Variants in HUWE1 observed in about 807,000 individuals in gnomAD.
HUWE1 encodes the protein E3 ubiquitin-protein ligase HUWE1.
Under a neutral mutation model 299.4 loss-of-function variants are expected in HUWE1, and 18 were observed. The ratio of observed to expected loss-of-function variants is 0.06; its 90% confidence interval spans 0.04 to 0.09. The LOEUF (loss-of-function observed/expected upper bound fraction) is 0.09. Ranked by LOEUF, HUWE1 falls within the 10% of genes least tolerant of loss-of-function variation. The pLI, the probability that HUWE1 is intolerant of heterozygous loss-of-function variation, is 1.00. For synonymous variants in HUWE1, 1,317 were observed against 1,286.1 expected (o/e 1.02, Z -0.51); for missense variants, 1,832 against 3,462.3 (o/e 0.53, Z 11.82).
chrX:53,631,402 G>A lies in HUWE1; in HGVS notation c.762+12C>T, dbSNP rs1557022632. 8.5e-7 allele frequency: 1 copy of A among 1,170,270 alleles called. No homozygotes were observed. Among genetic ancestry groups the A allele is most frequent in the East Asian group, 3.0e-5 (1 of 33,695 alleles). Reference sequence around the variant, plus strand: ...AACCACATCCTGTGGATGTTTTAAAGCCACATCATACCTGCTTATCCTTAG... The same window carrying A: ...AACCACATCCTGTGGATGTTTTAAAACCACATCATACCTGCTTATCCTTAG... On this transcript the variant is annotated intron_variant, in intron 11 of 83. Transcript: ENST00000262854.
chrX:53,625,859 G>GGGGCCGGGGCCGGGGCCGGGGCCA (rs781952031), intron 17 of HUWE1: 1 of 192,359 alleles, frequency 5.2e-6, no homozygotes, highest in African/African-American at 3.1e-5. Context: ...GGCCAGGGCC[G>GGGGCCGGGGCCGGGGCCGGGGCCA]GGGCCGGGGC....
intron 7 of HUWE1, among the ~76,000 whole-genome samples, chrX:53,643,828 CTT>C (rs1365212951): frequency 8.9e-6 from 1 of 111,763 alleles, no homozygotes; most frequent in Non-Finnish European, 1.9e-5. Flanking sequence ...ATTCTCTTTT[CTT>C]TTTTAGAGAC....
chrX:53,641,462 A>AT (rs1238790858), intron 7 of HUWE1, among the ~76,000 whole-genome samples: 1 of 111,900 alleles, frequency 8.9e-6, no homozygotes, highest in East Asian at 2.8e-4. Flanking sequence ...TAAGTCGAAT[A>AT]TTTTGCAAAA....
intron 68 of HUWE1, among the ~76,000 whole-genome samples, chrX:53,547,117 A>G (rs1435784212): frequency 2.7e-5 from 3 of 112,337 alleles, no homozygotes; most frequent in African/African-American, 9.7e-5. Context: ...AAGCTGAAAA[A>G]GAAACCCCAG....
chrX:53,628,464 TAA>T lies in HUWE1; in HGVS notation c.1242+27_1242+28del, dbSNP rs781865515. On this transcript the variant is annotated intron_variant, in intron 15 of 83. Transcript: ENST00000262854. ...CCTTAGTTGATTTCCCCATGTAGTTTAAAAAAAAAAAAAAAAAAAGTACAGCA... is the reference window on the plus strand; with the variant it reads ...CCTTAGTTGATTTCCCCATGTAGTTTAAAAAAAAAAAAAAAAAGTACAGCA... 0.019 allele frequency: 17,624 copies of T among 950,398 alleles called. No individual in the cohort carries two copies. Among genetic ancestry groups the T allele is most frequent in the Admixed American group, 0.027 (722 of 26,666 alleles). 78.3% of individuals were successfully genotyped at this position (950,398 alleles called of 1,213,427 possible).
rs782704612 is a variant in HUWE1, at chrX:53,627,862, G to A, written c.1260C>T (p.Gly420=). The change falls in exon 16 of 84, where the codon GGC becomes GGT. Residue 420 remains glycine (G), a synonymous_variant. Coordinates refer to ENST00000262854, the MANE Select transcript of HUWE1 (RefSeq NM_031407.7). ...CAAATGTTATCTGGTCCTGTTCATC[G>A]CCAAGAAACTTTATGACCTATCACG... ...EALLKVIKFL[G]DEQDQITFVT... is the part of the protein sequence containing the mutation. The A allele has an allele frequency of 7.5e-6, 9 of 1,207,251 alleles. No individual in the cohort carries two copies. Among genetic ancestry groups the A allele is most frequent in the Admixed American group, 4.4e-5 (2 of 45,690 alleles).
intron 23 of HUWE1, among the ~76,000 whole-genome samples, chrX:53,611,170 T>C (rs1469449794): frequency 5.2e-5 from 4 of 76,881 alleles, no homozygotes; most frequent in Non-Finnish European, 4.9e-5. Flanking sequence ...CATTTGCAAA[T>C]ACTAGCTGCT....
Position 53,575,353 on chromosome X carries a change from A to C in HUWE1, c.6031-132T>G, listed in dbSNP as rs1054507894. The C allele has an allele frequency of 2.4e-5, 13 of 532,236 alleles. No homozygotes were observed. In the African/African-American group the frequency reaches 2.8e-4, roughly 11 times the overall value. The allele number at this position is 532,236 out of a possible 1,213,427, so 43.9% of individuals were successfully genotyped here. A position where few individuals can be genotyped will look rare whatever the true frequency, so the allele number is the denominator to read the frequency against. ...TTGGCCAACCTTTTAACCACCTTACACCTTTATACTATAATCTGTGGGAGG... is the reference window on the plus strand; with the variant it reads ...TTGGCCAACCTTTTAACCACCTTACCCCTTTATACTATAATCTGTGGGAGG... On this transcript the variant is annotated intron_variant, in intron 45 of 83. Coordinates refer to ENST00000262854, the MANE Select transcript of HUWE1 (RefSeq NM_031407.7).
At position 53,592,434 on chromosome X, in the gene HUWE1, G is replaced by A. The variant is rs782082536; in HGVS notation, c.3936C>T (p.Arg1312=). ...GTTGCTGGTTGACTTGAGGTTCCCG[G>A]CGGGAGCCACCTTCCTCTTGCCCTG... ...EDTGQEEGGS[R]REPQVNQQQL... The change falls in exon 33 of 84, where the codon CGC becomes CGT. Residue 1312 remains arginine (R), a synonymous_variant. Transcript: ENST00000262854. 8.3e-7 allele frequency: 1 copy of A among 1,210,381 alleles called. No homozygotes were observed. The highest frequency in any genetic ancestry group is 1.8e-5 in the South Asian group (1 of 56,900).
intron 23 of HUWE1, 112 bp downstream of exon 23, chrX:53,614,422 G>T: frequency 1.6e-6 from 1 of 609,256 alleles, no homozygotes; most frequent in Non-Finnish European, 2.8e-6. Context: ...ACTTTAAAAT[G>T]ATCTAATACA....
chrX:53,559,222 C>CTAAG, intron 57 of HUWE1, 132 bp downstream of exon 57: 1 of 818,281 alleles, frequency 1.2e-6, no homozygotes, highest in Non-Finnish European at 1.8e-6. Context: ...TTGCCCATGG[C>CTAAG]TAAGTCACTG....
chrX:53,551,220 T>C, intron 64 of HUWE1, 31 bp from the exon 65 acceptor site: 2 of 1,210,997 alleles, frequency 1.7e-6, no homozygotes, highest in South Asian at 1.8e-5. Flanking sequence ...ATGAGGGCAT[T>C]TCTCCTGCCA....
chrX:53,595,135 A>C, intron 30 of HUWE1, 52 bp downstream of exon 30: 1 of 1,037,161 alleles, frequency 9.6e-7, no homozygotes, highest in Non-Finnish European at 1.4e-6. Context: ...GGAACAACTT[A>C]CATATTTTTT....
chrX:53,629,054 T>A, intron 13 of HUWE1, 152 bp from the exon 14 acceptor site: 1 of 491,354 alleles, frequency 2.0e-6, no homozygotes, highest in South Asian at 3.1e-5. Context: ...ACAACGAAAA[T>A]CTAGTATTTG....
At chrX:53,564,051 GT>G (rs1318807667) in intron 51 of HUWE1, among the ~76,000 whole-genome samples, 3 of 111,974 alleles carry the variant, frequency 2.7e-5, no homozygotes, top group African/African-American at 9.7e-5. Context: ...CTGATACTGG[GT>G]TGTCTTTATA....
At chrX:53,682,376 C>G (rs2070208264) in intron 2 of HUWE1, among the ~76,000 whole-genome samples, 1 of 111,726 alleles carries the variant, frequency 9.0e-6, no homozygotes, top group Admixed American at 9.5e-5. Context: ...CAGACCGCCG[C>G]CTATGACTGG....
chrX:53,589,849 C>T, intron 35 of HUWE1, 33 bp from the exon 36 acceptor site: 2 of 1,177,930 alleles, frequency 1.7e-6, no homozygotes, highest in Non-Finnish European at 2.3e-6. Context: ...GAATAATACA[C>T]AGGAGAGGTG....
intron 68 of HUWE1, 43 bp downstream of exon 68, chrX:53,547,630 C>T: frequency 2.5e-6 from 3 of 1,202,729 alleles, no homozygotes; most frequent in South Asian, 3.6e-5. Context: ...AAGTGGGTGC[C>T]ACAGTATATA....
chrX:53,564,539 G>A (rs782028177), intron 51 of HUWE1, 35 bp downstream of exon 51: 30 of 1,202,821 alleles, frequency 2.5e-5, no homozygotes, highest in South Asian at 5.3e-5. Context: ...GTTCAGCGCC[G>A]CAACAGGGAA....
Sources: gnomAD v4.1 joint callset for allele counts (sites outside exome capture counted in the v4.1 genomes callset) on GRCh38, gnomAD v4.1.1 for gene constraint, MANE v1.5 for transcripts, NCBI Gene and HGNC (gene_info 2026-07-23, HGNC 2026-07-21) for gene names.